TENM1: variants seen among roughly 807,000 people sequenced by gnomAD.
TENM1 encodes the protein teneurin transmembrane protein 1, also known as teneurin-1.
In TENM1, 35 loss-of-function variants were observed where a neutral mutation model predicts 174.8. The ratio of observed to expected loss-of-function variants is 0.20; its 90% CI spans 0.15 to 0.27. The LOEUF (loss-of-function observed/expected upper bound fraction) is 0.27, where lower values mean the gene tolerates loss of function less well. Among genes scored for constraint, TENM1 ranks in the 10% least tolerant of loss-of-function variants. The pLI, the probability that TENM1 is intolerant of heterozygous loss-of-function variation, is 1.00. For missense variants in TENM1, 1,633 were observed against 2,130.1 expected (o/e 0.77, Z 4.59); for synonymous variants, 781 against 798.7 (o/e 0.98, Z 0.37).
At position 124,696,489 on chromosome X, in the gene TENM1, G is replaced by A. The variant is rs73545930; in HGVS notation, c.1015+8524C>T. On this transcript the variant is annotated intron_variant, in intron 5 of 31. Transcript: ENST00000422452. ...AAAAATTTCCACTTTCTTTCATAGT[G>A]CAATATACTTGTTCCTAGTTTCTTG... 8.5e-3 allele frequency among the ~76,000 whole-genome samples: 947 copies of A among 110,787 alleles called. 9 individuals are homozygous for A. The highest frequency in any genetic ancestry group is 0.03 in the African/African-American group (913 of 30,587).
chrX:125,051,063 G>C, the TENM1 span, among the ~76,000 whole-genome samples: 2 of 111,199 alleles, frequency 1.8e-5, no homozygotes, highest in African/African-American at 3.3e-5. Flanking sequence ...AACAGACAGA[G>C]AGCCAAATCA....
chrX:124,463,128 G>A (rs970222890), intron 22 of TENM1, among the ~76,000 whole-genome samples: 1 of 111,884 alleles, frequency 8.9e-6, no homozygotes, highest in Non-Finnish European at 1.9e-5. Flanking sequence ...AACTTTGTTT[G>A]CGATCTTGTG....
chrX:125,122,528 T>C, the TENM1 span, among the ~76,000 whole-genome samples: 1 of 112,115 alleles, frequency 8.9e-6, no homozygotes, highest in Non-Finnish European at 1.9e-5. Flanking sequence ...TATAAGATGT[T>C]CCTAAATCAT....
intron 3 of TENM1, among the ~76,000 whole-genome samples, chrX:124,843,483 C>T (rs769263473): frequency 7.2e-5 from 8 of 111,052 alleles, no homozygotes; most frequent in Non-Finnish European, 1.3e-4. Flanking sequence ...TGCCTCCCCC[C>T]CTCCCTACTC....
At chrX:125,120,793 C>T in the TENM1 span, among the ~76,000 whole-genome samples, 1 of 111,015 alleles carries the variant, frequency 9.0e-6, no homozygotes, top group East Asian at 2.8e-4. Flanking sequence ...AATCCCACAT[C>T]GGTGCTTGCT....
At chrX:125,094,507 GT>G in the TENM1 span, among the ~76,000 whole-genome samples, 48 of 112,130 alleles carry the variant, frequency 4.3e-4, no homozygotes, top group Non-Finnish European at 1.1e-4. Flanking sequence ...ATTCAGGCGA[GT>G]TAAGTATCCA....
intron 11 of TENM1, among the ~76,000 whole-genome samples, chrX:124,629,553 G>C (rs1182102730): frequency 8.9e-6 from 1 of 112,083 alleles, no homozygotes; most frequent in Non-Finnish European, 1.9e-5. Flanking sequence ...GCCCACTATG[G>C]GAAAAGCATC....
chrX:124,583,833 G>A (rs1348151190), intron 11 of TENM1, among the ~76,000 whole-genome samples: 1 of 63,926 alleles, frequency 1.6e-5, no homozygotes, highest in African/African-American at 6.0e-5. Flanking sequence ...ATACAGAGAA[G>A]TGCTTAAAGG....
the TENM1 span, among the ~76,000 whole-genome samples, chrX:124,975,659 A>G: frequency 9.0e-6 from 1 of 111,554 alleles, no homozygotes; most frequent in Non-Finnish European, 1.9e-5. Context: ...ACTACTGGAG[A>G]CTCATTTTCA....
the TENM1 span, among the ~76,000 whole-genome samples, chrX:125,016,585 C>T: frequency 3.6e-5 from 4 of 111,544 alleles, no homozygotes; most frequent in South Asian, 7.5e-4. Context: ...AATGAAAAAA[C>T]ATTCCATGTT....
At chrX:124,895,767 C>A (rs1276681187) in intron 2 of TENM1, among the ~76,000 whole-genome samples, 1 of 111,956 alleles carries the variant, frequency 8.9e-6, no homozygotes, top group South Asian at 3.7e-4. Flanking sequence ...CTTGGGGGCT[C>A]ACCGAAAATG....
At chrX:124,954,934 T>C (rs2227103) in intron 1 of TENM1, among the ~76,000 whole-genome samples, 12,059 of 111,211 alleles carry the variant, frequency 0.11, 1,633 homozygotes, top group African/African-American at 0.37. Flanking sequence ...CATAACCCTG[T>C]CTCTCATTTT....
chrX:124,893,788 C>T (rs192647416), intron 3 of TENM1, among the ~76,000 whole-genome samples: 13 of 105,183 alleles, frequency 1.2e-4, no homozygotes, highest in Admixed American at 9.7e-5. Context: ...AGAGAATGAA[C>T]ATTTTTTTTT....
At chrX:124,783,824 G>T (rs2054975055) in intron 3 of TENM1, among the ~76,000 whole-genome samples, 1 of 112,062 alleles carries the variant, frequency 8.9e-6, no homozygotes, top group African/African-American at 3.2e-5. Flanking sequence ...AAAAAATAGG[G>T]AACAGAGTTT....
intron 23 of TENM1, among the ~76,000 whole-genome samples, chrX:124,432,674 C>T (rs1440177889): frequency 8.9e-6 from 1 of 112,273 alleles, no homozygotes; most frequent in African/African-American, 3.2e-5. Flanking sequence ...GATCCACCCA[C>T]CTCGGCCTCC....
At chrX:124,697,455 T>C (rs1258387187) in intron 5 of TENM1, among the ~76,000 whole-genome samples, 1 of 111,002 alleles carries the variant, frequency 9.0e-6, no homozygotes, top group Non-Finnish European at 1.9e-5. Flanking sequence ...ATCTGTACTT[T>C]GGTGTAATTT....
rs747501157 is a variant in TENM1, at chrX:124,685,779, G to A, written c.1016-13944C>T. On this transcript the variant is annotated intron_variant, in intron 5 of 31. Transcript: ENST00000422452. ...TCTCCATGTTGGTCAGGCTAGTCTC[G>A]AACTCCCAACCTTAGGTGATCTGCC... 4.8e-3 allele frequency among the ~76,000 whole-genome samples: 529 copies of A among 111,015 alleles called. 4 individuals carry two copies. The highest frequency in any genetic ancestry group is 0.017 in the African/African-American group (508 of 30,465).
intron 22 of TENM1, among the ~76,000 whole-genome samples, chrX:124,465,363 C>G (rs973033313): frequency 1.8e-5 from 2 of 111,496 alleles, no homozygotes; most frequent in Non-Finnish European, 3.8e-5. Context: ...ATCATTCCCC[C>G]TCGGCCTCTC....
At chrX:124,404,976 CAAACAA>C (rs2147673231) in intron 27 of TENM1, 49 bp downstream of exon 30, 1 of 1,074,167 alleles carries the variant, frequency 9.3e-7, no homozygotes, top group South Asian at 1.9e-5. Context: ...AACAAACAAA[CAAACAA>C]ACAAAACACC....
Sources: gnomAD v4.1 joint callset for allele counts (sites outside exome capture counted in the v4.1 genomes callset) on GRCh38, gnomAD v4.1.1 for gene constraint, MANE v1.5 for transcripts, NCBI Gene and HGNC (gene_info 2026-07-23, HGNC 2026-07-21) for gene names.